The following LAMP3 variants were observed in gnomAD, a reference collection of about 807,000 sequenced individuals.
LAMP3 encodes lysosome associated membrane protein 3.
Under a neutral mutation model 34.8 loss-of-function variants are expected in LAMP3, and 26 were observed. The observed-to-expected ratio is 0.75, with a 90% CI of 0.55 to 1.04. LAMP3 has a LOEUF of 1.04. Ranked by LOEUF, LAMP3 falls within the 50% of genes least tolerant of loss-of-function variation. LAMP3 has a pLI of 0.00. For synonymous variants in LAMP3, 180 were observed against 201.9 expected (o/e 0.89, Z 0.92); for missense variants, 495 against 524.0 (o/e 0.94, Z 0.54).
intron 4 of LAMP3, among the ~76,000 whole-genome samples, chr3:183,137,196 C>A (rs1333520718): frequency 2.0e-5 from 3 of 151,504 alleles, no homozygotes; most frequent in East Asian, 2.0e-4. Flanking sequence ...TGGGCACATG[C>A]AATCCCAGCT....
intron 5 of LAMP3, among the ~76,000 whole-genome samples, chr3:183,128,494 G>A (rs1719836839): frequency 6.6e-6 from 1 of 152,152 alleles, no homozygotes; most frequent in Non-Finnish European, 1.5e-5. Flanking sequence ...GGCCCCTATT[G>A]ATGGACCCTT....
intron 1 of LAMP3, among the ~76,000 whole-genome samples, chr3:183,157,632 T>C (rs891590309): frequency 7.2e-5 from 11 of 152,150 alleles, no homozygotes; most frequent in African/African-American, 2.4e-4. Context: ...AGTTGTTCTC[T>C]TGGGGAAGTG....
In LAMP3 at chr3:183,152,130, C is replaced by T. The variant is rs549893530; in HGVS notation, c.888+245G>A. Among the ~76,000 whole-genome samples the T allele has an allele frequency of 9.2e-4, 140 of 152,318 alleles. 1 individual carries two copies. Among genetic ancestry groups the T allele is most frequent in the African/African-American group, 1.4e-3 (59 of 41,572 alleles). Reference sequence around the variant, plus strand: ...GGTTTGCAAAGGGCACGGGTGGTTACGTTCCCCAGAGGTCAAGTCTCCCAT... The same window carrying T: ...GGTTTGCAAAGGGCACGGGTGGTTATGTTCCCCAGAGGTCAAGTCTCCCAT... On this transcript the variant is annotated intron_variant, in intron 3 of 5. Transcript: ENST00000265598.
In LAMP3 at chr3:183,162,457, C is replaced by T. The variant is rs775463473; in HGVS notation, c.49+150G>A. On this transcript the variant is annotated intron_variant, in intron 1 of 5. Coordinates refer to ENST00000265598, the MANE Select transcript of LAMP3 (RefSeq NM_014398.4). ...GTTGACACCTGCTCTGAGTAACTCA[C>T]GGAAAACAAGTTCCAGCTGGGAAGC... 65 of 783,068 alleles carry T rather than the reference C, an allele frequency of 8.3e-5. 1 individual carries two copies. The South Asian group carries it at 8.7e-4, about 10-fold the overall frequency. 48.5% of individuals were successfully genotyped at this position (783,068 alleles called of 1,614,324 possible).
At chr3:183,161,402 A>T (rs1008344253) in intron 1 of LAMP3, among the ~76,000 whole-genome samples, 13 of 151,398 alleles carry the variant, frequency 8.6e-5, no homozygotes, top group South Asian at 8.3e-4. Context: ...TTATTTATTT[A>T]TTTTTTTTGA....
chr3:183,144,797 C>G (rs1720391004), intron 3 of LAMP3, among the ~76,000 whole-genome samples: 1 of 152,170 alleles, frequency 6.6e-6, no homozygotes. Context: ...CCCAGCTACT[C>G]AGGAGACTGA....
At position 183,154,248 on chromosome 3, in the gene LAMP3, C is replaced by T. The variant is rs1471992798; in HGVS notation, c.193G>A (p.Ala65Thr). The change falls in exon 2 of 6, where the codon GCA (alanine) becomes ACA (threonine). Residue 65 changes from alanine to threonine, a missense_variant. Coordinates refer to ENST00000265598, the MANE Select transcript of LAMP3 (RefSeq NM_014398.4). ...PAKQAPHQTLAARFMDGHITF... is the reference protein window; with the variant it reads ...PAKQAPHQTLTARFMDGHITF... ...ATATGACCATCCATGAATCTTGCTGCTAAAGTTTGGTGAGGTGCTTGCTTA... is the reference window on the plus strand; with the variant it reads ...ATATGACCATCCATGAATCTTGCTGTTAAAGTTTGGTGAGGTGCTTGCTTA... The T allele has an allele frequency of 6.2e-7, 1 of 1,614,084 alleles. No individual in the cohort carries two copies. Among genetic ancestry groups the T allele is most frequent in the Non-Finnish European group, 8.5e-7 (1 of 1,180,028 alleles).
chr3:183,162,832 C>T, upstream of LAMP3: 1 of 598,216 alleles, frequency 1.7e-6, no homozygotes, highest in Non-Finnish European at 2.8e-6. Context: ...CCTCCTACCC[C>T]TACGGAGCAG....
intron 5 of LAMP3, among the ~76,000 whole-genome samples, chr3:183,134,250 G>A (rs1479540378): frequency 6.6e-6 from 1 of 152,160 alleles, no homozygotes; most frequent in Non-Finnish European, 1.5e-5. Flanking sequence ...GAGGGTGCTG[G>A]AGGGAGAGGA....
intron 3 of LAMP3, among the ~76,000 whole-genome samples, chr3:183,144,054 C>CGTGGAAGTTTCATAGTCCCA (rs1720367926): frequency 6.6e-6 from 1 of 152,258 alleles, no homozygotes; most frequent in Admixed American, 6.5e-5. Context: ...CAAAACACAC[C>CGTGGAAGTTTCATAGTCCCA]GTGGAAGTTT....
intron 1 of LAMP3, among the ~76,000 whole-genome samples, chr3:183,155,724 T>C (rs1720803456): frequency 6.6e-6 from 1 of 152,222 alleles, no homozygotes; most frequent in Non-Finnish European, 1.5e-5. Flanking sequence ...ACTTTCCTAG[T>C]AGATTAAGAG....
chr3:183,163,760 C>T (rs1387008095), upstream of LAMP3: 1 of 152,336 alleles, frequency 6.6e-6, no homozygotes, highest in Non-Finnish European at 1.5e-5. Context: ...CAGGCCTCGC[C>T]AGGACCGCGG....
intron 3 of LAMP3, among the ~76,000 whole-genome samples, chr3:183,149,653 T>G (rs755654528): frequency 4.2e-4 from 61 of 145,804 alleles, no homozygotes; most frequent in Non-Finnish European, 7.9e-4. Flanking sequence ...ATCTGATACT[T>G]GATAGCACAA....
At chr3:183,157,193 A>G (rs1179813161) in intron 1 of LAMP3, among the ~76,000 whole-genome samples, 1 of 152,212 alleles carries the variant, frequency 6.6e-6, no homozygotes, top group Admixed American at 6.5e-5. Context: ...ACCGATGACT[A>G]TTAATGACAT....
At chr3:183,142,014 G>A (rs1720297747) in intron 3 of LAMP3, among the ~76,000 whole-genome samples, 1 of 152,124 alleles carries the variant, frequency 6.6e-6, no homozygotes, top group South Asian at 2.1e-4. Flanking sequence ...GGTTGCCTCC[G>A]TCAAGGTGCT....
chr3:183,145,471 T>C (rs1424366529), intron 3 of LAMP3, among the ~76,000 whole-genome samples: 1 of 152,154 alleles, frequency 6.6e-6, no homozygotes, highest in Non-Finnish European at 1.5e-5. Context: ...ACAAAGCGAA[T>C]GATATGGATA....
At chr3:183,147,285 G>A (rs12493050) in intron 3 of LAMP3, among the ~76,000 whole-genome samples, 113,475 of 151,860 alleles carry the variant, frequency 0.75, 42,736 homozygotes, top group Non-Finnish European at 0.8. Context: ...GCACAGAAGG[G>A]AAGTCACTGA....
intron 3 of LAMP3, 44 bp from the exon 4 acceptor site, chr3:183,140,639 T>G: frequency 1.7e-6 from 2 of 1,210,944 alleles, no homozygotes; most frequent in Non-Finnish European, 2.4e-6. Context: ...TCTCTACTCA[T>G]ATGTTTACAA....
chr3:183,149,970 C>T (rs1203969990), intron 3 of LAMP3, among the ~76,000 whole-genome samples: 1 of 152,202 alleles, frequency 6.6e-6, no homozygotes, highest in Non-Finnish European at 1.5e-5. Flanking sequence ...GTGAGCCTCT[C>T]TGCCTACCTC....
Sources: allele counts gnomAD v4.1 joint callset (sites outside exome capture counted in the v4.1 genomes callset), GRCh38; gene constraint gnomAD v4.1.1; transcripts MANE v1.5; gene names NCBI Gene and HGNC (gene_info 2026-07-23, HGNC 2026-07-21).